Variants in VRK1 observed in about 807,000 individuals in gnomAD.
VRK1 encodes VRK serine/threonine kinase 1.
A neutral mutation model predicts 57.1 loss-of-function variants in VRK1; 33 were observed. The ratio of observed to expected loss-of-function variants is 0.58; its 90% CI spans 0.44 to 0.77. The LOEUF (loss-of-function observed/expected upper bound fraction) is 0.77. Ranked by LOEUF, VRK1 falls within the 30% of genes least tolerant of loss-of-function variation. The pLI, the probability that VRK1 is intolerant of heterozygous loss-of-function variation, is 0.00. For missense variants in VRK1, 413 were observed against 477.3 expected, an observed-to-expected ratio of 0.87 and a Z score of 1.25; for synonymous variants, 137 against 147.8, an observed-to-expected ratio of 0.93 and a Z score of 0.53.
intron 1 of VRK1, among the ~76,000 whole-genome samples, chr14:96,816,354 G>A (rs1285783276): frequency 6.6e-6 from 1 of 152,166 alleles, no homozygotes; most frequent in African/African-American, 2.4e-5. Context: ...GACTACCGCT[G>A]CTTTACCCAT....
At chr14:96,860,781 A>C in intron 11 of VRK1, 46 bp downstream of exon 11, 1 of 1,591,250 alleles carries the variant, frequency 6.3e-7, no homozygotes, top group Non-Finnish European at 8.6e-7. Context: ...TGTGTTTATA[A>C]TTGCAATAAA....
At chr14:96,856,861 G>C (rs779355232) in intron 10 of VRK1, among the ~76,000 whole-genome samples, 1 of 152,116 alleles carries the variant, frequency 6.6e-6, no homozygotes, top group Non-Finnish European at 1.5e-5. Flanking sequence ...CCAGCTACTT[G>C]GAAGGCTGAG....
chr14:96,821,674 G>A (rs8019164), intron 1 of VRK1, among the ~76,000 whole-genome samples: 1,663 of 152,224 alleles, frequency 0.011, 24 homozygotes, highest in Middle Eastern at 0.041. Context: ...CATTCAAAGT[G>A]CAAGTCAGAA....
intron 3 of VRK1, among the ~76,000 whole-genome samples, chr14:96,839,194 G>T (rs537114243): frequency 7.3e-5 from 11 of 150,674 alleles, no homozygotes; most frequent in Non-Finnish European, 1.0e-4. Flanking sequence ...TCAGCATAAC[G>T]TTTTAATGGT....
intron 11 of VRK1, among the ~76,000 whole-genome samples, chr14:96,865,040 C>G (rs926084020): frequency 7.9e-5 from 12 of 152,088 alleles, no homozygotes; most frequent in Admixed American, 5.2e-4. Context: ...TCTTTTCACT[C>G]TTAATATGGT....
At chr14:96,869,578 C>T (rs1424102462) in intron 11 of VRK1, among the ~76,000 whole-genome samples, 2 of 152,124 alleles carry the variant, frequency 1.3e-5, no homozygotes, top group African/African-American at 4.8e-5. Context: ...TAAAATGTAG[C>T]TCCATCTTGT....
intron 1 of VRK1, among the ~76,000 whole-genome samples, chr14:96,828,568 A>G (rs191266307): frequency 5.3e-5 from 8 of 152,322 alleles, no homozygotes; most frequent in East Asian, 3.9e-4. Context: ...GTCTATGGCT[A>G]TACCACCCTG....
intron 1 of VRK1, among the ~76,000 whole-genome samples, chr14:96,805,935 T>G (rs1157160559): frequency 6.6e-6 from 1 of 152,200 alleles, no homozygotes; most frequent in Non-Finnish European, 1.5e-5. Context: ...TGACCAAGAA[T>G]ATTTCACTTG....
At chr14:96,835,859 C>G (rs1446744246) in intron 2 of VRK1, among the ~76,000 whole-genome samples, 2 of 152,202 alleles carry the variant, frequency 1.3e-5, no homozygotes, top group Non-Finnish European at 2.9e-5. Context: ...ACTGAATCTT[C>G]TCTGTCCCAG....
intron 1 of VRK1, among the ~76,000 whole-genome samples, chr14:96,808,999 A>T (rs542187305): frequency 2.0e-5 from 3 of 152,236 alleles, no homozygotes; most frequent in Admixed American, 2.0e-4. Context: ...GAAGACTGGG[A>T]TCATCTGATA....
chr14:96,823,581 T>G (rs1886685733), intron 1 of VRK1, among the ~76,000 whole-genome samples: 1 of 152,250 alleles, frequency 6.6e-6, no homozygotes, highest in Non-Finnish European at 1.5e-5. Context: ...AATTTCTGCC[T>G]TTTTTATCTG....
intron 1 of VRK1, among the ~76,000 whole-genome samples, chr14:96,828,419 C>G (rs1400781623): frequency 6.6e-6 from 1 of 152,150 alleles, no homozygotes; most frequent in Non-Finnish European, 1.5e-5. Context: ...AGATCAAATG[C>G]TGCTTAAACT....
intron 11 of VRK1, among the ~76,000 whole-genome samples, chr14:96,873,685 G>T (rs767070052): frequency 6.6e-6 from 1 of 152,120 alleles, no homozygotes; most frequent in Non-Finnish European, 1.5e-5. Flanking sequence ...ACAAAATGAA[G>T]CATTTGGAAA....
intron 11 of VRK1, among the ~76,000 whole-genome samples, chr14:96,866,247 G>C (rs1041831526): frequency 1.3e-5 from 2 of 152,136 alleles, no homozygotes; most frequent in Admixed American, 6.5e-5. Context: ...TTTAGGGCTT[G>C]ATATATTGCC....
intron 4 of VRK1, 104 bp downstream of exon 4, chr14:96,846,268 T>C: frequency 8.5e-7 from 1 of 1,174,252 alleles, no homozygotes; most frequent in East Asian, 2.4e-5. Context: ...TCTTTGTTAT[T>C]TTTTTGCTTT....
chr14:96,812,806 T>C (rs1031285722), intron 1 of VRK1, among the ~76,000 whole-genome samples: 1 of 152,190 alleles, frequency 6.6e-6, no homozygotes, highest in Non-Finnish European at 1.5e-5. Flanking sequence ...GATTGGAAAA[T>C]GTACATCTAC....
intron 2 of VRK1, 113 bp from the exon 3 acceptor site, chr14:96,837,649 A>G (rs564316687): frequency 3.1e-5 from 16 of 513,818 alleles, no homozygotes; most frequent in Non-Finnish European, 4.7e-5. Context: ...CCTGAAACAC[A>G]TACTTGGGAA....
intron 2 of VRK1, among the ~76,000 whole-genome samples, chr14:96,837,348 C>T (rs917291784): frequency 6.6e-6 from 1 of 151,992 alleles, no homozygotes; most frequent in Non-Finnish European, 1.5e-5. Flanking sequence ...GAACTTTAGC[C>T]CCCTCATTTC....
chr14:96,827,040 C>T (rs1476899429), intron 1 of VRK1, among the ~76,000 whole-genome samples: 1 of 151,954 alleles, frequency 6.6e-6, no homozygotes, highest in Non-Finnish European at 1.5e-5. Context: ...AAGAAAGGGG[C>T]ACACCCTGAG....
Sources: allele counts gnomAD v4.1 joint callset (sites outside exome capture counted in the v4.1 genomes callset), GRCh38; gene constraint gnomAD v4.1.1; transcripts MANE v1.5; gene names NCBI Gene and HGNC (gene_info 2026-07-23, HGNC 2026-07-21).